Variants in COL24A1 observed in about 807,000 individuals in gnomAD.
COL24A1 encodes the protein collagen type XXIV alpha 1 chain.
A neutral mutation model predicts 253.9 loss-of-function variants in COL24A1; 224 were observed. The ratio of observed to expected loss-of-function variants is 0.88; its 90% CI spans 0.79 to 0.99. The LOEUF is 0.99. Among genes scored for constraint, COL24A1 ranks in the 50% least tolerant of loss-of-function variants. The probability of loss-of-function intolerance (pLI) is 0.00; values close to 1 mark genes in which losing one functional copy is unlikely to be tolerated. For synonymous variants in COL24A1, 685 were observed against 673.7 expected (o/e 1.02, Z -0.26); for missense variants, 2,131 against 2,068.5 (o/e 1.03, Z -0.59).
chr1:85,736,227 C>T (rs1664036280), intron 58 of COL24A1: 1 of 447,148 alleles, frequency 2.2e-6, no homozygotes, highest in Non-Finnish European at 4.5e-6. Flanking sequence ...AGACTAGAAC[C>T]CCAGTCCCTG....
intron 7 of COL24A1, among the ~76,000 whole-genome samples, chr1:86,081,378 C>T (rs1702630390): frequency 6.6e-6 from 1 of 151,830 alleles, no homozygotes; most frequent in African/African-American, 2.4e-5. Flanking sequence ...TACTACTTTA[C>T]TCATTTATGT....
At chr1:85,951,637 A>T (rs1451486932) in intron 24 of COL24A1, among the ~76,000 whole-genome samples, 1 of 152,174 alleles carries the variant, frequency 6.6e-6, no homozygotes, top group Non-Finnish European at 1.5e-5. Flanking sequence ...TATATTCTTA[A>T]AGCCTCTACA....
chr1:85,814,047 T>G (rs926029108), intron 47 of COL24A1, among the ~76,000 whole-genome samples: 4 of 152,160 alleles, frequency 2.6e-5, no homozygotes, highest in African/African-American at 9.7e-5. Flanking sequence ...TTTCAGACTG[T>G]TTTCTGACCC....
At chr1:85,818,649 T>C (rs1553185920) in intron 45 of COL24A1, among the ~76,000 whole-genome samples, 1 of 152,262 alleles carries the variant, frequency 6.6e-6, no homozygotes, top group Non-Finnish European at 1.5e-5. Context: ...TGTGAGATGT[T>C]TTAAATCATA....
At chr1:85,924,403 T>C (rs568391885) in intron 24 of COL24A1, among the ~76,000 whole-genome samples, 7 of 152,312 alleles carry the variant, frequency 4.6e-5, no homozygotes, top group East Asian at 1.9e-4. Context: ...CTGATGAACA[T>C]TGATGCAAAA....
intron 14 of COL24A1, among the ~76,000 whole-genome samples, chr1:86,027,169 T>C (rs112240590): frequency 0.087 from 13,218 of 152,134 alleles, 707 homozygotes; most frequent in Middle Eastern, 0.19. Context: ...AAGCAAAGTA[T>C]AAAAAAGTTC....
chr1:86,068,108 G>T (rs952178909), intron 7 of COL24A1, among the ~76,000 whole-genome samples: 13 of 152,190 alleles, frequency 8.5e-5, no homozygotes, highest in African/African-American at 2.9e-4. Context: ...AGAAGCTTAC[G>T]CTATTCGTCC....
intron 24 of COL24A1, among the ~76,000 whole-genome samples, chr1:85,941,161 A>G (rs753158509): frequency 5.9e-5 from 9 of 152,172 alleles, no homozygotes; most frequent in African/African-American, 9.7e-5. Context: ...GAGAATGTTC[A>G]GAGAATATAT....
intron 19 of COL24A1, among the ~76,000 whole-genome samples, chr1:85,992,485 A>T (rs4306156): frequency 0.47 from 70,967 of 152,008 alleles, 16,962 homozygotes; most frequent in East Asian, 0.61. Flanking sequence ...TCAACTGAAC[A>T]TTAATGATAA....
At chr1:86,004,379 T>C (rs1204012282) in intron 19 of COL24A1, among the ~76,000 whole-genome samples, 3 of 152,032 alleles carry the variant, frequency 2.0e-5, no homozygotes, top group Non-Finnish European at 4.4e-5. Flanking sequence ...GGAGACCCTC[T>C]TTACATTGAA....
At chr1:86,098,907 A>C (rs1306088123) in intron 5 of COL24A1, among the ~76,000 whole-genome samples, 26 of 152,194 alleles carry the variant, frequency 1.7e-4, no homozygotes, top group Non-Finnish European at 1.5e-5. Flanking sequence ...TACAAAAAAA[A>C]TGGGGGAGGG....
At chr1:85,762,317 G>C (rs1238311775) in intron 53 of COL24A1, among the ~76,000 whole-genome samples, 1 of 152,108 alleles carries the variant, frequency 6.6e-6, no homozygotes, top group East Asian at 1.9e-4. Context: ...TTAGTATTAA[G>C]CATCTTGTAT....
rs775693315 is a variant in COL24A1 at position 85,734,831 on chromosome 1, G to A, written c.4916C>T (p.Pro1639Leu). ...GCCATTCCATCCCTTGAAACCAATA[G>A]GCAATCCTGGGCCACTTGTTTGTGT... ...TSTQTSGPGL[P>L]IGFKGWNGQI... The change falls in exon 59 of 60, where the codon CCT becomes CTT. Residue 1639 changes from proline (P) to leucine (L), a missense_variant. Coordinates refer to ENST00000370571, the MANE Select transcript of COL24A1 (RefSeq NM_152890.7). 6.2e-7 allele frequency: 1 copy of A among 1,614,034 alleles called. No homozygotes were observed. Among genetic ancestry groups the A allele is most frequent in the East Asian group, 2.2e-5 (1 of 44,886 alleles).
intron 14 of COL24A1, among the ~76,000 whole-genome samples, chr1:86,024,696 A>G (rs1697858086): frequency 6.6e-6 from 1 of 152,228 alleles, no homozygotes. Context: ...ACTTGTGCTT[A>G]TGATTACAGT....
At chr1:86,043,581 G>A (rs368284083) in intron 12 of COL24A1, among the ~76,000 whole-genome samples, 1 of 151,804 alleles carries the variant, frequency 6.6e-6, no homozygotes, top group East Asian at 1.9e-4. Flanking sequence ...AGGCTGGAGT[G>A]CAGTGGCACG....
chr1:85,896,451 C>T (rs1360953865), intron 28 of COL24A1, 42 bp from the exon 29 acceptor site: 4 of 1,543,380 alleles, frequency 2.6e-6, no homozygotes, highest in Non-Finnish European at 2.7e-6. Context: ...TTGAAATGTT[C>T]CTTTTTTTTT....
rs189302060 is a variant in COL24A1, at chr1:85,742,671, T to C, written c.4672+1995A>G. 3.3e-5 allele frequency among the ~76,000 whole-genome samples: 5 copies of C among 152,210 alleles called. No homozygotes were observed. In the East Asian group the frequency reaches 7.7e-4, roughly 24 times the overall value. Reference sequence around the variant, plus strand: ...ATCTTATCTCCAAAATTGCATCTCCTGTTAACAACATCCCACCCTTTTACA... The same window carrying C: ...ATCTTATCTCCAAAATTGCATCTCCCGTTAACAACATCCCACCCTTTTACA... On this transcript the variant is annotated intron_variant, in intron 57 of 59. Transcript: ENST00000370571.
intron 47 of COL24A1, among the ~76,000 whole-genome samples, chr1:85,799,457 C>T (rs1671201584): frequency 6.7e-6 from 1 of 148,484 alleles, no homozygotes; most frequent in Non-Finnish European, 1.5e-5. Context: ...AAGGAACTTG[C>T]TAGTATTTAG....
intron 24 of COL24A1, among the ~76,000 whole-genome samples, chr1:85,916,236 C>T (rs1685883320): frequency 6.6e-6 from 1 of 152,104 alleles, no homozygotes; most frequent in Non-Finnish European, 1.5e-5. Flanking sequence ...CTTTGCTATT[C>T]CCTATTGTCT....
Sources: allele counts gnomAD v4.1 joint callset (sites outside exome capture counted in the v4.1 genomes callset), GRCh38; gene constraint gnomAD v4.1.1; transcripts MANE v1.5; gene names NCBI Gene and HGNC (gene_info 2026-07-23, HGNC 2026-07-21).